Variants in RBFOX1 observed in about 807,000 individuals in gnomAD.
RBFOX1 encodes RNA binding protein fox-1 homolog 1.
Under a neutral mutation model 57.7 loss-of-function variants are expected in RBFOX1, and 8 were observed. The observed-to-expected ratio is 0.14, with a 90% CI of 0.08 to 0.25. The LOEUF (loss-of-function observed/expected upper bound fraction) is 0.25, where lower values mean the gene tolerates loss of function less well. RBFOX1 is among the 10% of genes least tolerant of loss of function. The pLI, the probability that RBFOX1 is intolerant of heterozygous loss-of-function variation, is 1.00. For missense variants in RBFOX1, 611 were observed against 548.5 expected (o/e 1.11, Z -1.14); for synonymous variants, 326 against 222.4 (o/e 1.47, Z -4.15).
chr16:6,571,109 C>G (rs1403548328), intron 2 of RBFOX1, among the ~76,000 whole-genome samples: 2 of 152,160 alleles, frequency 1.3e-5, no homozygotes. Context: ...TTTGTGGGTC[C>G]TCAGGGAGAA....
At chr16:7,523,993 C>T (rs1036432285) in intron 5 of RBFOX1, among the ~76,000 whole-genome samples, 2 of 152,190 alleles carry the variant, frequency 1.3e-5, no homozygotes, top group African/African-American at 4.8e-5. Flanking sequence ...ACCCTATATC[C>T]ATGACCCTGT....
At chr16:6,111,939 C>A (rs1241430554) in intron 1 of RBFOX1, among the ~76,000 whole-genome samples, 1 of 152,044 alleles carries the variant, frequency 6.6e-6, no homozygotes, top group Non-Finnish European at 1.5e-5. Flanking sequence ...TGGTTTTGGA[C>A]TTAAGAAACA....
chr16:6,317,032 G>C lies in RBFOX1; in HGVS notation c.-89G>C. 2 of 1,535,444 alleles carry C rather than the reference G, an allele frequency of 1.3e-6. No individual in the cohort carries two copies. Among genetic ancestry groups the C allele is most frequent in the Non-Finnish European group, 1.7e-6 (2 of 1,146,482 alleles). On this transcript the variant is annotated 5_prime_UTR_variant, in exon 2 of 16. Coordinates refer to ENST00000550418, the MANE Select transcript of RBFOX1 (RefSeq NM_018723.4). Reference sequence around the variant, plus strand: ...AGAACTCATGCAAGTGGAACTTACAGCTTCCTTGATCGGACTCAGCATTCA... The same window carrying C: ...AGAACTCATGCAAGTGGAACTTACACCTTCCTTGATCGGACTCAGCATTCA...
At chr16:6,121,347 G>T (rs918252135) in intron 1 of RBFOX1, among the ~76,000 whole-genome samples, 1 of 152,182 alleles carries the variant, frequency 6.6e-6, no homozygotes, top group Admixed American at 6.5e-5. Context: ...AAGCTGGCCT[G>T]TCTACATGGT....
chr16:5,664,959 T>A (rs972413244), intron 3 of RBFOX1, among the ~76,000 whole-genome samples: 4 of 151,866 alleles, frequency 2.6e-5, no homozygotes, highest in Admixed American at 6.6e-5. Context: ...TTTTTTTTTT[T>A]ATCGAGATAG....
intron 5 of RBFOX1, among the ~76,000 whole-genome samples, chr16:7,564,129 C>T (rs190876220): frequency 6.6e-6 from 1 of 152,132 alleles, no homozygotes. Context: ...GAAATGGGGA[C>T]TTTGGAAGGT....
At chr16:5,709,715 GTA>G (rs36178320) in intron 3 of RBFOX1, among the ~76,000 whole-genome samples, 1 of 137,290 alleles carries the variant, frequency 7.3e-6, no homozygotes, top group African/African-American at 2.7e-5. Context: ...GTATTCTATG[GTA>G]TATATATATA....
At chr16:5,900,326 T>C (rs1394427972) in intron 4 of RBFOX1, among the ~76,000 whole-genome samples, 3 of 152,026 alleles carry the variant, frequency 2.0e-5, no homozygotes, top group Non-Finnish European at 4.4e-5. Context: ...CCTGTAAATG[T>C]GAATAAAAAT....
intron 4 of RBFOX1, among the ~76,000 whole-genome samples, chr16:7,068,695 C>G (rs6500915): frequency 0.77 from 116,804 of 151,716 alleles, 45,146 homozygotes; most frequent in East Asian, 0.93. Flanking sequence ...TCAGGAGATT[C>G]TCCTGTCTCA....
intron 11 of RBFOX1, among the ~76,000 whole-genome samples, chr16:7,650,559 G>A (rs567461734): frequency 6.7e-5 from 10 of 149,626 alleles, no homozygotes; most frequent in Non-Finnish European, 1.2e-4. Flanking sequence ...TTAACAGCAC[G>A]TGCTCCCCTC....
intron 2 of RBFOX1, among the ~76,000 whole-genome samples, chr16:5,573,199 T>G (rs186120013): frequency 6.6e-6 from 1 of 152,208 alleles, no homozygotes; most frequent in African/African-American, 2.4e-5. Context: ...ACTGTTAGGG[T>G]TGACTCCAGG....
At chr16:6,206,515 A>G (rs2097256347) in intron 1 of RBFOX1, among the ~76,000 whole-genome samples, 1 of 152,196 alleles carries the variant, frequency 6.6e-6, no homozygotes, top group Non-Finnish European at 1.5e-5. Flanking sequence ...TGGCAGAGGT[A>G]TCATCTGTCC....
At chr16:6,993,968 G>A (rs1207675177) in intron 3 of RBFOX1, among the ~76,000 whole-genome samples, 2 of 152,168 alleles carry the variant, frequency 1.3e-5, no homozygotes. Flanking sequence ...GATTATGCAG[G>A]GAAGAGGGGT....
chr16:7,662,603 C>T (rs147997709), intron 12 of RBFOX1, among the ~76,000 whole-genome samples: 150 of 152,264 alleles, frequency 9.9e-4, no homozygotes, highest in African/African-American at 9.9e-4. Context: ...TAAGGTGCAA[C>T]GAGTCACATG....
intron 3 of RBFOX1, among the ~76,000 whole-genome samples, chr16:6,673,725 A>G (rs1268324216): frequency 6.6e-6 from 1 of 152,220 alleles, no homozygotes; most frequent in Non-Finnish European, 1.5e-5. Flanking sequence ...AGAAGAGGCT[A>G]TGGACAAAGG....
intron 1 of RBFOX1, among the ~76,000 whole-genome samples, chr16:5,385,124 A>G (rs529910664): frequency 9.0e-4 from 137 of 152,332 alleles, no homozygotes; most frequent in African/African-American, 1.6e-3. Flanking sequence ...GCAAATATGT[A>G]TTATGTGCTT....
intron 2 of RBFOX1, among the ~76,000 whole-genome samples, chr16:5,572,133 G>C (rs2046304480): frequency 6.6e-6 from 1 of 152,144 alleles, no homozygotes; most frequent in Non-Finnish European, 1.5e-5. Flanking sequence ...GTTAGGAATG[G>C]AATGGCTTAA....
At chr16:5,506,483 TC>T (rs1388529713) in intron 2 of RBFOX1, among the ~76,000 whole-genome samples, 1 of 152,156 alleles carries the variant, frequency 6.6e-6, no homozygotes, top group Non-Finnish European at 1.5e-5. Context: ...ATTAGGAATG[TC>T]CCCAGTGCAA....
At chr16:5,673,143 C>G (rs887630941) in intron 3 of RBFOX1, among the ~76,000 whole-genome samples, 2 of 151,910 alleles carry the variant, frequency 1.3e-5, no homozygotes, top group African/African-American at 2.4e-5. Flanking sequence ...CACACACAAG[C>G]CTTATAATTT....
Sources: gnomAD v4.1 joint callset for allele counts (sites outside exome capture counted in the v4.1 genomes callset) on GRCh38, gnomAD v4.1.1 for gene constraint, MANE v1.5 for transcripts, NCBI Gene and HGNC (gene_info 2026-07-23, HGNC 2026-07-21) for gene names.